CEP128: variants seen among roughly 807,000 people sequenced by gnomAD.
CEP128 encodes centrosomal protein 128kDa.
In CEP128, 132 loss-of-function variants were observed where a neutral mutation model predicts 156.7. The observed-to-expected ratio is 0.84, with a 90% CI of 0.73 to 0.97. CEP128 has a LOEUF of 0.97. CEP128 is among the 50% of genes least tolerant of loss of function. The pLI is 0.00. For synonymous variants in CEP128, 469 were observed against 448.9 expected, an observed-to-expected ratio of 1.04 and a Z score of -0.57; for missense variants, 1,252 against 1,281.9, an observed-to-expected ratio of 0.98 and a Z score of 0.36.
chr14:80,937,674 C>A (rs764648151), intron 2 of CEP128, among the ~76,000 whole-genome samples: 1 of 151,700 alleles, frequency 6.6e-6, no homozygotes, highest in Non-Finnish European at 1.5e-5. Flanking sequence ...ATACATTTTA[C>A]GAAAAAAGAA....
chr14:80,656,276 TA>T lies in CEP128; in HGVS notation c.2807-75854del, dbSNP rs1412798214. Among the ~76,000 whole-genome samples, 17 of 26,474 alleles carry T rather than the reference TA, an allele frequency of 6.4e-4. 1 individual carries two copies. Among genetic ancestry groups the T allele is most frequent in the African/African-American group, 2.1e-3 (12 of 5,628 alleles). 17.4% of individuals were successfully genotyped at this position (26,474 alleles called of 152,430 possible). A position where few individuals can be genotyped will look rare whatever the true frequency, so the allele number is the denominator to read the frequency against. On this transcript the variant is annotated intron_variant, in intron 19 of 24. Transcript: ENST00000555265. ...GTATTTCTCAATAAACCTAAGTTTT[TA>T]TTTATATATATATTTATATATATAT...
At chr14:80,516,122 C>G (rs1440342480) in intron 23 of CEP128, among the ~76,000 whole-genome samples, 1 of 152,152 alleles carries the variant, frequency 6.6e-6, no homozygotes, top group African/African-American at 2.4e-5. Context: ...CACACCTCAG[C>G]CTCCCAAAGT....
At chr14:80,718,558 A>T (rs139079829) in intron 19 of CEP128, among the ~76,000 whole-genome samples, 27 of 152,368 alleles carry the variant, frequency 1.8e-4, no homozygotes, top group African/African-American at 6.3e-4. Flanking sequence ...AATTTGGAAC[A>T]CAGAATACAC....
At chr14:80,676,444 ATTT>A (rs61606038) in intron 19 of CEP128, among the ~76,000 whole-genome samples, 1 of 150,682 alleles carries the variant, frequency 6.6e-6, no homozygotes, top group African/African-American at 2.4e-5. Flanking sequence ...TTAATTTGTG[ATTT>A]TTTTTAAAAA....
intron 19 of CEP128, among the ~76,000 whole-genome samples, chr14:80,609,188 T>C (rs1892901327): frequency 6.6e-6 from 1 of 152,166 alleles, no homozygotes; most frequent in Admixed American, 6.6e-5. Context: ...ATTTCAAATA[T>C]AAAGCTGAGA....
At chr14:80,704,388 T>A (rs67921287) in intron 19 of CEP128, among the ~76,000 whole-genome samples, 19,217 of 151,986 alleles carry the variant, frequency 0.13, 1,599 homozygotes, top group East Asian at 0.43. Context: ...GTTATTTTTT[T>A]AAAAAAGTTT....
intron 4 of CEP128, among the ~76,000 whole-genome samples, chr14:80,913,482 C>T (rs1473578131): frequency 1.3e-5 from 2 of 152,134 alleles, no homozygotes; most frequent in South Asian, 4.1e-4. Flanking sequence ...TGGAAACAAG[C>T]TCTCAAAATT....
chr14:80,551,833 C>T (rs10140829), intron 21 of CEP128, among the ~76,000 whole-genome samples: 90,596 of 151,990 alleles, frequency 0.6, 28,298 homozygotes, highest in African/African-American at 0.79. Flanking sequence ...ATATATCAAA[C>T]ACAGCTCTTT....
In CEP128 at chr14:80,597,980, A is replaced by G. The variant is rs566306159; in HGVS notation, c.2807-17557T>C. Among the ~76,000 whole-genome samples, 245 of 145,914 alleles carry G rather than the reference A, an allele frequency of 1.7e-3. 5 individuals are homozygous for G. The highest frequency in any genetic ancestry group is 0.014 in the Middle Eastern group (4 of 284). On this transcript the variant is annotated intron_variant, in intron 19 of 24. Coordinates refer to ENST00000555265, the MANE Select transcript of CEP128 (RefSeq NM_152446.5). ...AAAAAAAAAAAAAAAACAAAACCCT[A>G]TGGCTAGCATTATGCTAAATGGTGA...
chr14:80,948,134 C>A (rs1886385997), intron 2 of CEP128, among the ~76,000 whole-genome samples: 1 of 152,142 alleles, frequency 6.6e-6, no homozygotes, highest in Non-Finnish European at 1.5e-5. Context: ...TCAAAATTCT[C>A]TCTCAATCAA....
intron 19 of CEP128, among the ~76,000 whole-genome samples, chr14:80,723,584 A>C (rs183070821): frequency 6.6e-6 from 1 of 152,352 alleles, no homozygotes; most frequent in East Asian, 1.9e-4. Context: ...GCATAATGGT[A>C]GAACAGTGTC....
intron 8 of CEP128, among the ~76,000 whole-genome samples, chr14:80,863,126 GTATGA>G (rs1400483995): frequency 6.6e-6 from 1 of 152,134 alleles, no homozygotes; most frequent in Admixed American, 6.5e-5. Flanking sequence ...ATTTTTTGAG[GTATGA>G]TATAATAATT....
At chr14:80,730,175 T>C (rs570984073) in intron 19 of CEP128, among the ~76,000 whole-genome samples, 8 of 152,206 alleles carry the variant, frequency 5.3e-5, no homozygotes, top group Non-Finnish European at 7.4e-5. Flanking sequence ...TTCATAATCA[T>C]TGGCATTTCA....
chr14:80,614,389 C>T (rs1211307007), intron 19 of CEP128, among the ~76,000 whole-genome samples: 2 of 152,202 alleles, frequency 1.3e-5, no homozygotes, highest in African/African-American at 4.8e-5. Context: ...TCCTTTGGCT[C>T]ATGTGACAAC....
chr14:80,841,371 A>ATGTTTT (rs1886341756), intron 9 of CEP128, among the ~76,000 whole-genome samples: 1 of 152,088 alleles, frequency 6.6e-6, no homozygotes, highest in African/African-American at 2.4e-5. Flanking sequence ...TTTTTAGGCA[A>ATGTTTT]ACAGCAAAAT....
chr14:80,754,053 AAAT>A (rs1899520280), intron 18 of CEP128, among the ~76,000 whole-genome samples: 1 of 152,150 alleles, frequency 6.6e-6, no homozygotes. Flanking sequence ...ACCAAAATAT[AAAT>A]ATAAGCATGC....
At chr14:80,867,926 A>G (rs1425801978) in intron 8 of CEP128, among the ~76,000 whole-genome samples, 2 of 152,200 alleles carry the variant, frequency 1.3e-5, no homozygotes, top group African/African-American at 4.8e-5. Flanking sequence ...AAATTCTCAA[A>G]AGGCAAAAAC....
chr14:80,780,575 G>A (rs17613911), intron 15 of CEP128, among the ~76,000 whole-genome samples: 49,305 of 151,704 alleles, frequency 0.33, 9,539 homozygotes, highest in Non-Finnish European at 0.43. Context: ...CAGAAGATCC[G>A]CAGAATGCTT....
intron 19 of CEP128, among the ~76,000 whole-genome samples, chr14:80,732,024 G>A (rs1051624819): frequency 1.3e-5 from 2 of 152,044 alleles, no homozygotes; most frequent in Non-Finnish European, 2.9e-5. Context: ...AAAAAAAGAG[G>A]TAGGAGGGAA....
Sources: allele counts gnomAD v4.1 joint callset (sites outside exome capture counted in the v4.1 genomes callset), GRCh38; gene constraint gnomAD v4.1.1; transcripts MANE v1.5; gene names NCBI Gene and HGNC (gene_info 2026-07-23, HGNC 2026-07-21).